Variants in CAB39L observed in about 807,000 individuals in gnomAD.
CAB39L encodes calcium-binding protein 39-like.
In CAB39L, 23 loss-of-function variants were observed where a neutral mutation model predicts 39.1. The ratio of observed to expected loss-of-function variants is 0.59; its 90% CI spans 0.42 to 0.83. The LOEUF is 0.83. Among genes scored for constraint, CAB39L ranks in the 40% least tolerant of loss-of-function variants. CAB39L has a pLI of 0.00. For missense variants in CAB39L, 366 were observed against 391.9 expected (o/e 0.93, Z 0.56); for synonymous variants, 126 against 137.2 (o/e 0.92, Z 0.57).
intron 7 of CAB39L, 69 bp from the exon 8 acceptor site, chr13:49,344,307 AG>A (rs1955084677): frequency 1.1e-6 from 1 of 883,584 alleles, no homozygotes; most frequent in Non-Finnish European, 1.8e-6. Context: ...GTCTTTTCTA[AG>A]GTTTAAGAAC....
At chr13:49,417,484 T>C (rs1039621938) in intron 3 of CAB39L, among the ~76,000 whole-genome samples, 8 of 152,262 alleles carry the variant, frequency 5.3e-5, no homozygotes, top group African/African-American at 1.9e-4. Context: ...AGAAATTACA[T>C]TTTCCTTCTA....
At chr13:49,418,826 G>A (rs1428543958) in intron 3 of CAB39L, among the ~76,000 whole-genome samples, 1 of 152,046 alleles carries the variant, frequency 6.6e-6, no homozygotes, top group Non-Finnish European at 1.5e-5. Flanking sequence ...CTCCTAAAGT[G>A]CTGGAATTAC....
chr13:49,415,377 G>A (rs1050142000), intron 3 of CAB39L, among the ~76,000 whole-genome samples: 5 of 150,772 alleles, frequency 3.3e-5, no homozygotes, highest in African/African-American at 9.8e-5. Flanking sequence ...AAAAATTAGC[G>A]GGGTGTGGTG....
chr13:49,332,898 T>C (rs1287600459), intron 9 of CAB39L, among the ~76,000 whole-genome samples: 1 of 151,820 alleles, frequency 6.6e-6, no homozygotes, highest in Non-Finnish European at 1.5e-5. Flanking sequence ...ATAGAAGATA[T>C]GTTTAGTTTT....
chr13:49,379,109 C>T (rs1956195814), intron 4 of CAB39L, among the ~76,000 whole-genome samples: 6 of 49,910 alleles, frequency 1.2e-4, no homozygotes, highest in Non-Finnish European at 1.6e-4. Context: ...CCGCCCCGTC[C>T]GGGAGGTGAG....
intron 3 of CAB39L, among the ~76,000 whole-genome samples, chr13:49,422,768 G>A (rs866682000): frequency 6.6e-5 from 10 of 151,884 alleles, no homozygotes; most frequent in South Asian, 2.1e-4. Context: ...TAAACTTACC[G>A]TTGATTAGAA....
chr13:49,344,578 G>A (rs933080091), intron 7 of CAB39L, among the ~76,000 whole-genome samples: 5 of 147,470 alleles, frequency 3.4e-5, no homozygotes, highest in African/African-American at 1.3e-4. Flanking sequence ...CTGGAGTGCA[G>A]TGGCATGATC....
At chr13:49,327,449 A>G (rs1406892340) in intron 10 of CAB39L, among the ~76,000 whole-genome samples, 1 of 151,680 alleles carries the variant, frequency 6.6e-6, no homozygotes, top group African/African-American at 2.4e-5. Flanking sequence ...GACTACAGGC[A>G]TGCACCACCA....
intron 9 of CAB39L, 136 bp from the exon 10 acceptor site, chr13:49,332,226 G>C: frequency 1.0e-6 from 1 of 984,592 alleles, no homozygotes; most frequent in Non-Finnish European, 1.5e-6. Flanking sequence ...GTGTCCTTAA[G>C]TGCATCTCAA....
chr13:49,330,488 G>T (rs187117424), intron 10 of CAB39L, among the ~76,000 whole-genome samples: 1 of 152,102 alleles, frequency 6.6e-6, no homozygotes, highest in East Asian at 1.9e-4. Context: ...AGCTGGGCGA[G>T]GTGGCACGTG....
rs1406152768 is a variant in CAB39L at position 49,309,687 on chromosome 13, G to T, written c.*1127C>A. 1 of 152,180 alleles carries T rather than the reference G, an allele frequency of 6.6e-6. No homozygotes were observed. The highest frequency in any genetic ancestry group is 6.5e-5 in the Admixed American group (1 of 15,276). The allele number at this position is 152,180 out of a possible 1,614,324, so 9.4% of individuals were successfully genotyped here. A position where few individuals can be genotyped will look rare whatever the true frequency, so the allele number is the denominator to read the frequency against. On this transcript the variant is annotated 3_prime_UTR_variant, in exon 11 of 11. Coordinates refer to ENST00000409308, the MANE Select transcript of CAB39L (RefSeq NM_001079670.3). ...CACCTCAATCATCCTAGTCACAAGA[G>T]ACTATTCAGGACCAAAACTGTATAG...
Position 49,343,632 on chromosome 13 carries a change from A to C in CAB39L, c.624+547T>G, listed in dbSNP as rs1042587937. Among the ~76,000 whole-genome samples, 4 of 151,874 alleles carry C rather than the reference A, an allele frequency of 2.6e-5. No individual in the cohort carries two copies. The South Asian group carries it at 8.3e-4, about 32-fold the overall frequency. On this transcript the variant is annotated intron_variant, in intron 8 of 10. Transcript: ENST00000409308. ...AGAGGAGGGAGAAGAGAGAGGAGAG[A>C]GGAGAGGGGAGAGAGACAGAGACAG...
At chr13:49,320,824 A>G (rs1345384015) in intron 10 of CAB39L, among the ~76,000 whole-genome samples, 2 of 152,246 alleles carry the variant, frequency 1.3e-5, no homozygotes, top group African/African-American at 4.8e-5. Flanking sequence ...AGTACTGATC[A>G]GAGACAATTA....
intron 3 of CAB39L, among the ~76,000 whole-genome samples, chr13:49,428,893 A>G (rs1157398217): frequency 6.6e-6 from 1 of 152,222 alleles, no homozygotes; most frequent in Admixed American, 6.5e-5. Flanking sequence ...TAAACAAGTC[A>G]ATGATTACAA....
At chr13:49,408,176 T>C (rs145794653) in intron 3 of CAB39L, among the ~76,000 whole-genome samples, 121 of 152,208 alleles carry the variant, frequency 7.9e-4, no homozygotes, top group African/African-American at 2.8e-3. Flanking sequence ...AAGAGTATAA[T>C]AGAGAATAGG....
chr13:49,377,069 CTCGTT>C lies in CAB39L; in HGVS notation c.169_173del (p.Asn57GlufsTer27). The C allele has an allele frequency of 6.2e-7, 1 of 1,613,714 alleles. No individual in the cohort carries two copies. The highest frequency in any genetic ancestry group is 8.5e-7 in the Non-Finnish European group (1 of 1,179,642). ...CCACTGCTTCTGTTGGGGGTTCTTT[CTCGTT>C]TGTACCACACAGAATTTCTTTCATT... On this transcript the variant is annotated frameshift_variant, in exon 5 of 11. Coordinates refer to ENST00000409308, the MANE Select transcript of CAB39L (RefSeq NM_001079670.3). LOFTEE classifies it high-confidence loss of function.
chr13:49,329,752 G>A (rs1425359597), intron 10 of CAB39L, among the ~76,000 whole-genome samples: 2 of 151,634 alleles, frequency 1.3e-5, no homozygotes, highest in African/African-American at 4.8e-5. Flanking sequence ...AGGTGCCATG[G>A]TTCACACCTA....
At chr13:49,377,900 G>A (rs1956127285) in intron 4 of CAB39L, among the ~76,000 whole-genome samples, 1 of 80,506 alleles carries the variant, frequency 1.2e-5, no homozygotes. Context: ...TCCCATCTAG[G>A]AAGTGAGGAG....
intron 10 of CAB39L, among the ~76,000 whole-genome samples, chr13:49,329,213 G>A (rs927970202): frequency 1.3e-5 from 2 of 152,024 alleles, no homozygotes; most frequent in African/African-American, 4.8e-5. Context: ...TCCATAACAA[G>A]TCTTAATATC....
Sources: gnomAD v4.1 joint callset for allele counts (sites outside exome capture counted in the v4.1 genomes callset) on GRCh38, gnomAD v4.1.1 for gene constraint, MANE v1.5 for transcripts, NCBI Gene and HGNC (gene_info 2026-07-23, HGNC 2026-07-21) for gene names.